PLAA: variants seen among roughly 807,000 people sequenced by gnomAD.
PLAA encodes the protein phospholipase A-2-activating protein.
Under a neutral mutation model 84.1 loss-of-function variants are expected in PLAA, and 48 were observed. The observed-to-expected ratio is 0.57, with a 90% CI of 0.45 to 0.73. The LOEUF is 0.73. Among genes scored for constraint, PLAA ranks in the 30% least tolerant of loss-of-function variants. PLAA has a pLI of 0.00. For missense variants in PLAA, 903 were observed against 954.7 expected (o/e 0.95, Z 0.71); for synonymous variants, 392 against 336.6 (o/e 1.16, Z -1.80).
In PLAA at chr9:26,938,195, G is replaced by T. The variant is rs143954277; in HGVS notation, c.150-2989C>A. Among the ~76,000 whole-genome samples the T allele has an allele frequency of 2.1e-3, 318 of 152,262 alleles. 1 individual carries two copies. The highest frequency in any genetic ancestry group is 7.4e-3 in the African/African-American group (308 of 41,552). On this transcript the variant is annotated intron_variant, in intron 1 of 13. Transcript: ENST00000397292. ...CAAGGGATCCTCAATAATATAATTA[G>T]TAGATTTCTCATCAAAAACTTTGGA... is the stretch of plus-strand genomic sequence containing the variant.
chr9:26,915,834 G>C, intron 10 of PLAA: 2 of 985,266 alleles, frequency 2.0e-6, no homozygotes, highest in South Asian at 9.4e-5. Context: ...AGCTTGATAT[G>C]TTCTTTCTGT....
chr9:26,947,064 G>C lies in PLAA; in HGVS notation c.-19C>G. 2 of 1,557,766 alleles carry C rather than the reference G, an allele frequency of 1.3e-6. No individual in the cohort carries two copies. The highest frequency in any genetic ancestry group is 1.7e-6 in the Non-Finnish European group (2 of 1,152,560). On this transcript the variant is annotated 5_prime_UTR_variant, in exon 1 of 14. Coordinates refer to ENST00000397292, the MANE Select transcript of PLAA (RefSeq NM_001031689.3). Reference sequence around the variant, plus strand: ...TCGTCATGGCCAGTGTCTGTCTGGCGCCCGGTGCCCAGGCACTGTGCGAGA... The same window carrying C: ...TCGTCATGGCCAGTGTCTGTCTGGCCCCCGGTGCCCAGGCACTGTGCGAGA...
At chr9:26,925,289 A>C (rs538861897) in intron 6 of PLAA, among the ~76,000 whole-genome samples, 2 of 152,306 alleles carry the variant, frequency 1.3e-5, no homozygotes, top group East Asian at 1.9e-4. Context: ...CTTCAACCCC[A>C]GGCAATGAAT....
At chr9:26,908,167 CTTTTTTTTT>C (rs375603485) in intron 12 of PLAA, among the ~76,000 whole-genome samples, 169 bp from the exon 13 acceptor site, 1 of 135,070 alleles carries the variant, frequency 7.4e-6, no homozygotes, top group Non-Finnish European at 1.6e-5. Flanking sequence ...TGAGCTTTGT[CTTTTTTTTT>C]TTTTTTTTTG....
Position 26,926,491 on chromosome 9 carries a change from G to A in PLAA, c.635C>T (p.Ala212Val). ...ETEFLSCAND[A>V]SIRRWQITGE... Reference sequence around the variant, plus strand: ...AGTGATTTGCCACCTTCTAATACTAGCATCATTTGCACAGGAAAGAAATTC... The same window carrying A: ...AGTGATTTGCCACCTTCTAATACTAACATCATTTGCACAGGAAAGAAATTC... The change falls in exon 5 of 14, where the codon GCT becomes GTT. Residue 212 changes from alanine to valine, a missense_variant. Coordinates refer to ENST00000397292, the MANE Select transcript of PLAA (RefSeq NM_001031689.3). 6.2e-7 allele frequency: 1 copy of A among 1,612,520 alleles called. No individual in the cohort carries two copies. The highest frequency in any genetic ancestry group is 8.5e-7 in the Non-Finnish European group (1 of 1,178,804).
chr9:26,930,186 G>A (rs1825134989), intron 2 of PLAA, among the ~76,000 whole-genome samples: 1 of 149,858 alleles, frequency 6.7e-6, no homozygotes, highest in Admixed American at 6.7e-5. Flanking sequence ...CTCACCGCAA[G>A]CTCTGCCTCC....
At chr9:26,919,165 G>A in intron 9 of PLAA, 145 bp downstream of exon 9, 2 of 509,426 alleles carry the variant, frequency 3.9e-6, no homozygotes, top group South Asian at 3.9e-5. Context: ...ATCATTTGAG[G>A]CTTAAACATA....
intron 10 of PLAA, among the ~76,000 whole-genome samples, chr9:26,914,699 T>C (rs372466764): frequency 1.2e-4 from 18 of 151,890 alleles, no homozygotes; most frequent in East Asian, 4.0e-4. Flanking sequence ...AAGTATTATA[T>C]AGATACCATT....
At chr9:26,931,607 C>T (rs894508643) in intron 2 of PLAA, among the ~76,000 whole-genome samples, 1 of 151,974 alleles carries the variant, frequency 6.6e-6, no homozygotes, top group Non-Finnish European at 1.5e-5. Context: ...ATCTATTTAA[C>T]AGCTTACAAG....
intron 2 of PLAA, among the ~76,000 whole-genome samples, chr9:26,928,946 C>T (rs749399193): frequency 1.3e-5 from 2 of 152,140 alleles, no homozygotes; most frequent in Non-Finnish European, 2.9e-5. Context: ...ACCTGTAATC[C>T]CTGCACTTTG....
intron 2 of PLAA, among the ~76,000 whole-genome samples, chr9:26,932,848 T>C (rs13299556): frequency 0.2 from 30,060 of 152,134 alleles, 3,966 homozygotes; most frequent in Non-Finnish European, 0.28. Context: ...ATTCTTTCTG[T>C]TTTTGGTCGG....
At chr9:26,928,060 A>G (rs1028696335) in intron 4 of PLAA, 40 bp downstream of exon 4, 2 of 1,562,246 alleles carry the variant, frequency 1.3e-6, no homozygotes, top group Non-Finnish European at 1.7e-6. Context: ...GAGCAAATAA[A>G]AAGCAATGAT....
chr9:26,945,551 C>T (rs761082864), intron 1 of PLAA, among the ~76,000 whole-genome samples: 1 of 152,180 alleles, frequency 6.6e-6, no homozygotes, highest in Non-Finnish European at 1.5e-5. Context: ...GATTATACTA[C>T]TTCAAAAGCC....
At chr9:26,920,049 C>G (rs912532204) in intron 8 of PLAA, among the ~76,000 whole-genome samples, 178 bp downstream of exon 8, 4 of 152,000 alleles carry the variant, frequency 2.6e-5, no homozygotes, top group Admixed American at 6.6e-5. Flanking sequence ...GCTCTCACTA[C>G]ATGGAAAGAT....
intron 6 of PLAA, among the ~76,000 whole-genome samples, chr9:26,924,757 T>C (rs1400512363): frequency 6.6e-6 from 1 of 152,222 alleles, no homozygotes; most frequent in East Asian, 1.9e-4. Flanking sequence ...CTACTAATGG[T>C]ATATCATAAA....
chr9:26,913,736 A>G (rs1289808648), intron 11 of PLAA, 143 bp downstream of exon 11: 13 of 588,882 alleles, frequency 2.2e-5, no homozygotes, highest in Non-Finnish European at 3.8e-5. Context: ...AGAAAACTCA[A>G]AAAGCCAGAC....
At position 26,928,185 on chromosome 9, in the gene PLAA, T is replaced by C; in HGVS notation, c.480A>G (p.Leu160=). The stretch of plus-strand genomic sequence containing the variant: ...CAGTCAACATTAAGCCCTGTTCAGG[T>C]AAGATCTTTACCGCCCACACTGCAG... ...HTAAVWAVKI[L]PEQGLMLTGS... Residue 160 remains leucine, a synonymous_variant, in exon 4 of 14, where the codon TTA becomes TTG. Coordinates refer to ENST00000397292, the MANE Select transcript of PLAA (RefSeq NM_001031689.3). 1 of 1,614,200 alleles carries C rather than the reference T, an allele frequency of 6.2e-7. No homozygotes were observed. The highest frequency in any genetic ancestry group is 8.5e-7 in the Non-Finnish European group (1 of 1,180,026).
At chr9:26,928,884 T>A (rs1016341396) in intron 2 of PLAA, among the ~76,000 whole-genome samples, 1 of 152,198 alleles carries the variant, frequency 6.6e-6, no homozygotes, top group African/African-American at 2.4e-5. Context: ...TGTGAAATTA[T>A]GCAGGCTAAA....
rs111391531 is a variant in PLAA, at chr9:26,921,619, C to T, written c.1040-1235G>A. On this transcript the variant is annotated intron_variant, in intron 7 of 13. Coordinates refer to ENST00000397292, the MANE Select transcript of PLAA (RefSeq NM_001031689.3). The stretch of plus-strand genomic sequence containing the variant: ...AGGCCAGAAATACTAGTTTTTTAAA[C>T]GCTACAGTGTACAATCTGAAACCAC... 1.2e-4 allele frequency among the ~76,000 whole-genome samples: 19 copies of T among 152,284 alleles called. 2 individuals carry two copies. The highest frequency in any genetic ancestry group is 6.2e-4 in the South Asian group (3 of 4,826).
Sources: gnomAD v4.1 joint callset for allele counts (sites outside exome capture counted in the v4.1 genomes callset) on GRCh38, gnomAD v4.1.1 for gene constraint, MANE v1.5 for transcripts, NCBI Gene and HGNC (gene_info 2026-07-23, HGNC 2026-07-21) for gene names.